The following FRMPD4 variants were observed in gnomAD, a reference collection of about 807,000 sequenced individuals.
The protein encoded by FRMPD4 is FERM and PDZ domain-containing protein 4.
FRMPD4 carries 22 observed loss-of-function variants against 94.1 expected under a neutral mutation model. The observed-to-expected ratio is 0.23, with a 90% CI of 0.17 to 0.33. The LOEUF (loss-of-function observed/expected upper bound fraction) is 0.33. Among genes scored for constraint, FRMPD4 ranks in the 10% least tolerant of loss-of-function variants. The pLI is 1.00. For missense variants in FRMPD4, 1,111 were observed against 1,339.9 expected, an observed-to-expected ratio of 0.83 and a Z score of 2.67; for synonymous variants, 631 against 548.6, an observed-to-expected ratio of 1.15 and a Z score of -2.10.
At chrX:12,107,324 C>G (rs1265176412) in intron 3 of FRMPD4, among the ~76,000 whole-genome samples, 1 of 112,134 alleles carries the variant, frequency 8.9e-6, no homozygotes, top group African/African-American at 3.2e-5. Flanking sequence ...TCCAACAGAC[C>G]TGCAGCTGAG....
chrX:12,011,003 C>G (rs1312466276), intron 3 of FRMPD4, among the ~76,000 whole-genome samples: 2 of 112,438 alleles, frequency 1.8e-5, no homozygotes, highest in African/African-American at 6.5e-5. Flanking sequence ...CAAGAATGCA[C>G]TGGAGTGGGT....
chrX:12,134,470 A>T (rs939115015), upstream of FRMPD4, among the ~76,000 whole-genome samples: 5 of 112,049 alleles, frequency 4.5e-5, no homozygotes, highest in Middle Eastern at 4.6e-3. Context: ...TGTTTTCAGG[A>T]CTGAGACCAG....
intron 1 of FRMPD4, among the ~76,000 whole-genome samples, chrX:12,394,757 A>G (rs1410927545): frequency 8.9e-6 from 1 of 111,860 alleles, no homozygotes; most frequent in Admixed American, 9.5e-5. Context: ...AACAGCCTAG[A>G]AGAGTTGCAA....
chrX:12,543,451 C>A (rs1387673312), intron 2 of FRMPD4, among the ~76,000 whole-genome samples: 4 of 112,098 alleles, frequency 3.6e-5, no homozygotes, highest in Admixed American at 9.5e-5. Flanking sequence ...ACACTTCTCA[C>A]AAGAAGACAT....
intron 2 of FRMPD4, among the ~76,000 whole-genome samples, chrX:12,560,307 A>G (rs752110766): frequency 1.8e-5 from 2 of 110,678 alleles, no homozygotes; most frequent in South Asian, 7.8e-4. Context: ...ATGAACAGCC[A>G]GGATTGATGG....
chrX:12,118,957 G>A (rs1156286229), intron 3 of FRMPD4, among the ~76,000 whole-genome samples: 1 of 110,844 alleles, frequency 9.0e-6, no homozygotes, highest in East Asian at 2.8e-4. Context: ...GGATCTCAAG[G>A]ACTCCCAGAT....
intron 3 of FRMPD4, among the ~76,000 whole-genome samples, chrX:12,072,198 G>T (rs1040552944): frequency 9.0e-6 from 1 of 111,126 alleles, no homozygotes; most frequent in Admixed American, 9.6e-5. Flanking sequence ...TATCACTGTC[G>T]ACTTATAGCT....
At chrX:11,912,552 C>T (rs1025543121) in intron 3 of FRMPD4, among the ~76,000 whole-genome samples, 8 of 111,649 alleles carry the variant, frequency 7.2e-5, no homozygotes, top group African/African-American at 2.6e-4. Context: ...AGCTAGTGAA[C>T]TTATCTCAAC....
intron 2 of FRMPD4, among the ~76,000 whole-genome samples, chrX:12,568,148 T>C (rs2090388306): frequency 9.0e-6 from 1 of 111,234 alleles, no homozygotes; most frequent in Admixed American, 9.6e-5. Context: ...GTAGGAAAAG[T>C]TTAAAATAGC....
intron 4 of FRMPD4, among the ~76,000 whole-genome samples, chrX:12,640,405 T>C (rs772079060): frequency 9.0e-6 from 1 of 110,565 alleles, no homozygotes; most frequent in Admixed American, 9.7e-5. Flanking sequence ...TATTTTAAAT[T>C]TTTTCTTCCA....
intron 1 of FRMPD4, among the ~76,000 whole-genome samples, chrX:11,829,991 T>C (rs764879793): frequency 9.0e-6 from 1 of 111,597 alleles, no homozygotes; most frequent in Admixed American, 9.5e-5. Flanking sequence ...GAAAAAGAGT[T>C]GGAGGAGAAG....
At chrX:12,421,228 G>C in intron 1 of FRMPD4, among the ~76,000 whole-genome samples, 1 of 111,828 alleles carries the variant, frequency 8.9e-6, no homozygotes, top group East Asian at 2.8e-4. Context: ...GTCACCAAAA[G>C]TAATTCCATT....
intron 2 of FRMPD4, among the ~76,000 whole-genome samples, chrX:12,516,687 A>G (rs765522282): frequency 8.5e-4 from 94 of 110,505 alleles, no homozygotes; most frequent in African/African-American, 2.9e-3. Context: ...TGATCTTCTC[A>G]TGGAGTATCT....
chrX:11,934,056 G>T (rs776337447), intron 3 of FRMPD4, among the ~76,000 whole-genome samples: 1 of 112,167 alleles, frequency 8.9e-6, no homozygotes, highest in East Asian at 2.8e-4. Context: ...AATCAAGATG[G>T]TTTGATCATG....
At chrX:11,879,214 T>C (rs1299074163) in intron 3 of FRMPD4, among the ~76,000 whole-genome samples, 1 of 112,062 alleles carries the variant, frequency 8.9e-6, no homozygotes, top group Non-Finnish European at 1.9e-5. Flanking sequence ...TGCAACATAA[T>C]TTCACTGGAT....
At chrX:12,511,452 AAAG>A (rs771463100) in intron 2 of FRMPD4, among the ~76,000 whole-genome samples, 1 of 112,087 alleles carries the variant, frequency 8.9e-6, no homozygotes, top group East Asian at 2.8e-4. Flanking sequence ...CACAAACTAT[AAAG>A]AAGAACCAAA....
At chrX:12,240,407 G>C (rs1184872000) in intron 1 of FRMPD4, among the ~76,000 whole-genome samples, 1 of 112,319 alleles carries the variant, frequency 8.9e-6, no homozygotes, top group African/African-American at 3.2e-5. Context: ...ATGCAGTCTA[G>C]TAAAGTGATG....
chrX:12,138,836 G>C lies in FRMPD4; in HGVS notation c.-136G>C, dbSNP rs2147563409. 1 of 474,167 alleles carries C rather than the reference G, an allele frequency of 2.1e-6. No homozygotes were observed. Among genetic ancestry groups the C allele is most frequent in the South Asian group, 5.8e-5 (1 of 17,338 alleles). The allele number at this position is 474,167 out of a possible 1,213,427, so 39.1% of individuals were successfully genotyped here. A position where few individuals can be genotyped will look rare whatever the true frequency, so the allele number is the denominator to read the frequency against. On this transcript the variant is annotated 5_prime_UTR_variant, in exon 1 of 17. Coordinates refer to ENST00000675598, the MANE Select transcript of FRMPD4 (RefSeq NM_001368397.1). ...CTCCAGGTGCAGGTTCTCTCCGGCC[G>C]CCGCCGCCACCCGCTGTCGCCGCGA...
At chrX:12,216,710 CTG>C (rs2056811444) in intron 1 of FRMPD4, among the ~76,000 whole-genome samples, 1 of 112,152 alleles carries the variant, frequency 8.9e-6, no homozygotes, top group Admixed American at 9.4e-5. Context: ...ATCTCTGAAA[CTG>C]TTGCTTATCC....
Sources: allele counts gnomAD v4.1 joint callset (sites outside exome capture counted in the v4.1 genomes callset), GRCh38; gene constraint gnomAD v4.1.1; transcripts MANE v1.5; gene names NCBI Gene and HGNC (gene_info 2026-07-23, HGNC 2026-07-21).